The following LARP4 variants were observed in gnomAD, a reference collection of about 807,000 sequenced individuals.
The protein encoded by LARP4 is la-related protein 4.
Under a neutral mutation model 92.9 loss-of-function variants are expected in LARP4, and 29 were observed. That is an observed-to-expected ratio of 0.31 (90% CI 0.23 to 0.43). The LOEUF (loss-of-function observed/expected upper bound fraction) is 0.43, where lower values mean the gene tolerates loss of function less well. LARP4 is among the 20% of genes least tolerant of loss of function. LARP4 has a pLI of 1.00. For synonymous variants in LARP4, 279 were observed against 284.1 expected, an observed-to-expected ratio of 0.98 and a Z score of 0.18; for missense variants, 732 against 860.0, an observed-to-expected ratio of 0.85 and a Z score of 1.86.
At chr12:50,416,389 C>G (rs1251049382) in intron 1 of LARP4, 5 of 152,102 alleles carry the variant, frequency 3.3e-5, no homozygotes, top group Non-Finnish European at 7.3e-5. Flanking sequence ...GACCGGGTGC[C>G]GTGGCTCAAC....
At chr12:50,446,216 C>G (rs1380453793) in intron 8 of LARP4, among the ~76,000 whole-genome samples, 1 of 148,976 alleles carries the variant, frequency 6.7e-6, no homozygotes. Context: ...TCATGTTAGC[C>G]AGGATGGTCT....
intron 12 of LARP4, among the ~76,000 whole-genome samples, chr12:50,465,386 AAAAG>A (rs1490628344): frequency 6.6e-6 from 1 of 151,584 alleles, no homozygotes; most frequent in Admixed American, 6.6e-5. Context: ...AAAAAAAAAA[AAAAG>A]AGAGATTAGA....
rs964995473 is a variant in LARP4 at position 50,460,991 on chromosome 12, C to T, written c.1122-144C>T. ...AATAACATCTGGAATGTAAAAGGGGCAACACTTTTACAACATTATTCTTTT... is the reference window on the plus strand; with the variant it reads ...AATAACATCTGGAATGTAAAAGGGGTAACACTTTTACAACATTATTCTTTT... On this transcript the variant is annotated intron_variant, in intron 10 of 15. Coordinates refer to ENST00000398473, the MANE Select transcript of LARP4 (RefSeq NM_052879.5). The T allele has an allele frequency of 4.4e-6, 3 of 676,224 alleles. No individual in the cohort carries two copies. The African/African-American group carries it at 5.5e-5, about 12-fold the overall frequency. 41.9% of individuals were successfully genotyped at this position (676,224 alleles called of 1,614,324 possible).
At position 50,404,855 on chromosome 12, in the gene LARP4, A is replaced by G. The variant is rs144271818; in HGVS notation, c.18+3827A>G. On this transcript the variant is annotated intron_variant, in intron 1 of 15. Coordinates refer to ENST00000398473, the MANE Select transcript of LARP4 (RefSeq NM_052879.5). ...TAGGCGCATGCCACCACGCCCAACT[A>G]ATTTTTGTATTTTTAGTAGAGATGG... 3.1e-3 allele frequency among the ~76,000 whole-genome samples: 472 copies of G among 150,536 alleles called. 3 individuals carry two copies. The highest frequency in any genetic ancestry group is 9.0e-3 in the African/African-American group (367 of 40,954).
chr12:50,410,015 C>T (rs1945568641), intron 1 of LARP4, among the ~76,000 whole-genome samples: 1 of 151,258 alleles, frequency 6.6e-6, no homozygotes. Flanking sequence ...TGGTCTCGAA[C>T]TCCTGCTCTC....
intron 8 of LARP4, among the ~76,000 whole-genome samples, chr12:50,453,074 C>CTT (rs755416642): frequency 2.2e-5 from 3 of 136,134 alleles, no homozygotes; most frequent in Admixed American, 7.6e-5. Flanking sequence ...CCATGCCCAG[C>CTT]TTTTTTTTTT....
At chr12:50,457,479 T>C (rs570277463) in intron 10 of LARP4, among the ~76,000 whole-genome samples, 1 of 152,258 alleles carries the variant, frequency 6.6e-6, no homozygotes, top group African/African-American at 2.4e-5. Flanking sequence ...AGTGCTGGCA[T>C]TATAGGTGTG....
In LARP4 at chr12:50,461,310, T is replaced by C; in HGVS notation, c.1297T>C (p.Leu433=). The change falls in exon 11 of 16, where the codon TTG becomes CTG. Residue 433 remains leucine (L), a synonymous_variant. Coordinates refer to ENST00000398473, the MANE Select transcript of LARP4 (RefSeq NM_052879.5). The part of the protein sequence containing the change: ...QTYLQKETST[L]QVEQNGDYGR... ...TTACCTTCAGAAGGAGACTTCCACT[T>C]TGCAGGTGGAACAGAATGGGGACTA... The C allele has an allele frequency of 1.9e-6, 3 of 1,614,078 alleles. No individual in the cohort carries two copies. Among genetic ancestry groups the C allele is most frequent in the Non-Finnish European group, 2.5e-6 (3 of 1,180,016 alleles).
chr12:50,425,592 A>G (rs560284982), intron 1 of LARP4, among the ~76,000 whole-genome samples: 1 of 152,276 alleles, frequency 6.6e-6, no homozygotes, highest in African/African-American at 2.4e-5. Context: ...GCTTGAGTTT[A>G]TCACCCTTAG....
At chr12:50,403,191 C>T (rs1944192781) in intron 1 of LARP4, among the ~76,000 whole-genome samples, 2 of 152,108 alleles carry the variant, frequency 1.3e-5, no homozygotes, top group South Asian at 4.1e-4. Context: ...TTTGTACTTT[C>T]CCATAAGTCA....
At chr12:50,471,476 AC>A (rs1258506504) in intron 13 of LARP4, among the ~76,000 whole-genome samples, 1 of 152,212 alleles carries the variant, frequency 6.6e-6, no homozygotes, top group African/African-American at 2.4e-5. Flanking sequence ...GTGAGCAAGA[AC>A]TTTTCTAGGA....
chr12:50,467,840 A>G (rs1198857805), intron 13 of LARP4, among the ~76,000 whole-genome samples: 1 of 129,382 alleles, frequency 7.7e-6, no homozygotes, highest in Non-Finnish European at 1.7e-5. Context: ...CTCATTTTCT[A>G]CCTTTATTCT....
rs1957593077 is a variant in LARP4 at position 50,477,124 on chromosome 12, T to C, written c.*1260T>C. The C allele has an allele frequency of 6.6e-6, 1 of 152,560 alleles. No homozygotes were observed. Among genetic ancestry groups the C allele is most frequent in the Non-Finnish European group, 1.5e-5 (1 of 68,012 alleles). 9.5% of individuals were successfully genotyped at this position (152,560 alleles called of 1,614,324 possible). On this transcript the variant is annotated 3_prime_UTR_variant, in exon 16 of 16. Transcript: ENST00000398473. ...CCCCCACACCCAACAAAATACAGTT[T>C]GGAATTCACTGAAACAGTACCAGCA...
intron 1 of LARP4, among the ~76,000 whole-genome samples, chr12:50,411,921 G>A (rs1003094707): frequency 6.6e-6 from 1 of 152,146 alleles, no homozygotes; most frequent in Non-Finnish European, 1.5e-5. Flanking sequence ...GACCTCAGGT[G>A]ATCCACCCGC....
intron 6 of LARP4, among the ~76,000 whole-genome samples, chr12:50,438,797 C>G (rs1159497463): frequency 6.6e-6 from 1 of 152,164 alleles, no homozygotes; most frequent in Admixed American, 6.6e-5. Flanking sequence ...CATGATCTCT[C>G]TGATTCTAAA....
At chr12:50,444,558 C>G (rs1462214756) in intron 8 of LARP4, among the ~76,000 whole-genome samples, 1 of 152,144 alleles carries the variant, frequency 6.6e-6, no homozygotes, top group Non-Finnish European at 1.5e-5. Context: ...ATACTCCAAT[C>G]CTGGTGGTGC....
intron 8 of LARP4, among the ~76,000 whole-genome samples, chr12:50,452,435 A>C (rs148083129): frequency 6.6e-6 from 1 of 151,870 alleles, no homozygotes; most frequent in Non-Finnish European, 1.5e-5. Flanking sequence ...GCCCGCCTCA[A>C]CCTCTCAAAG....
Position 50,461,197 on chromosome 12 carries a change from T to C in LARP4, c.1184T>C (p.Leu395Ser), listed in dbSNP as rs763351976. ...CACTCAACAGAGGGCTCTGTATCCT[T>C]GGGGGATGGACAGTTGAACAGATAT... ...SEHSTEGSVS[L>S]GDGQLNRYSS... The change falls in exon 11 of 16, where the codon TTG becomes TCG. Residue 395 changes from leucine to serine, a missense_variant. Physicochemically the swap from Leu to Ser is moderately radical, Grantham distance 145 (BLOSUM62 -2). Coordinates refer to ENST00000398473, the MANE Select transcript of LARP4 (RefSeq NM_052879.5). 1.2e-6 allele frequency: 2 copies of C among 1,614,056 alleles called. No individual in the cohort carries two copies. The highest frequency in any genetic ancestry group is 1.7e-6 in the Non-Finnish European group (2 of 1,179,998).
At chr12:50,447,877 A>T (rs994383025) in intron 8 of LARP4, among the ~76,000 whole-genome samples, 7 of 149,934 alleles carry the variant, frequency 4.7e-5, no homozygotes, top group African/African-American at 1.7e-4. Context: ...ATTTTTTTCT[A>T]TTTTTTTTGA....
Sources: gnomAD v4.1 joint callset for allele counts (sites outside exome capture counted in the v4.1 genomes callset) on GRCh38, gnomAD v4.1.1 for gene constraint, MANE v1.5 for transcripts, NCBI Gene and HGNC (gene_info 2026-07-23, HGNC 2026-07-21) for gene names.